RMC1: variants seen among roughly 807,000 people sequenced by gnomAD.
RMC1 encodes regulator of MON1-CCZ1 complex.
RMC1 carries 44 observed loss-of-function variants against 95.5 expected under a neutral mutation model. The ratio of observed to expected loss-of-function variants is 0.46; its 90% CI spans 0.36 to 0.59. The LOEUF (loss-of-function observed/expected upper bound fraction) is 0.59. Ranked by LOEUF, RMC1 falls within the 20% of genes least tolerant of loss-of-function variation. The probability of loss-of-function intolerance (pLI) is 0.00; values close to 1 mark genes in which losing one functional copy is unlikely to be tolerated. For synonymous variants in RMC1, 320 were observed against 303.6 expected, an observed-to-expected ratio of 1.05 and a Z score of -0.56; for missense variants, 705 against 819.6, an observed-to-expected ratio of 0.86 and a Z score of 1.71.
chr18:23,513,146 A>G (rs1788811), intron 5 of RMC1, among the ~76,000 whole-genome samples: 151,930 of 152,280 alleles, frequency 1, 75,791 homozygotes, highest in Middle Eastern at 1. Context: ...TAGAGATGGG[A>G]TTTCACCATG....
chr18:23,509,270 A>C lies in RMC1; in HGVS notation c.399A>C (p.Glu133Asp). Residue 133 changes from glutamate (E) to aspartate (D), a missense_variant, in exon 5 of 20, where the codon GAA (glutamate) becomes GAC (aspartate). Transcript: ENST00000269221. ...TCTTCATAACAGATCAAGGAATCGA[A>C]TTTTACCAGGTATTATGTTTATCAT... ...EIVFITDQGI[E>D]FYQVLPEKRS... 1 of 1,429,862 alleles carries C rather than the reference A, an allele frequency of 7.0e-7. No individual in the cohort carries two copies. Among genetic ancestry groups the C allele is most frequent in the Non-Finnish European group, 9.2e-7 (1 of 1,081,424 alleles). 88.6% of individuals were successfully genotyped at this position (1,429,862 alleles called of 1,614,324 possible). A position where few individuals can be genotyped will look rare whatever the true frequency, so the allele number is the denominator to read the frequency against.
Position 23,527,786 on chromosome 18 carries a change from C to T in RMC1, c.1190-9C>T, listed in dbSNP as rs1459074330. ...GTTTGATCCGTGTGTGAACATTGTG[C>T]CTTTCCAGTGTTAAGTGAGTCAGAC... On this transcript the variant is annotated splice_polypyrimidine_tract_variant and intron_variant, in intron 13 of 19. Transcript: ENST00000269221. 6.2e-7 allele frequency: 1 copy of T among 1,609,444 alleles called. No individual in the cohort carries two copies. The highest frequency in any genetic ancestry group is 8.5e-7 in the Non-Finnish European group (1 of 1,175,888).
chr18:23,516,028 T>A (rs1342236726), intron 6 of RMC1, 32 bp downstream of exon 6: 1 of 1,613,730 alleles, frequency 6.2e-7, no homozygotes, highest in South Asian at 1.1e-5. Context: ...AAAAAACACC[T>A]TTCCCCAGTT....
Position 23,507,978 on chromosome 18 carries a change from C to T in RMC1, c.265-7C>T. ...ATTTGTGTGTGTCTGTGTGTTTTTC[C>T]TTTCAGGATTTTTGTAATTTTATCC... On this transcript the variant is annotated splice_region_variant and splice_polypyrimidine_tract_variant and intron_variant, in intron 3 of 19. Transcript: ENST00000269221. The T allele has an allele frequency of 6.2e-7, 1 of 1,610,132 alleles. No individual in the cohort carries two copies. Among genetic ancestry groups the T allele is most frequent in the South Asian group, 1.1e-5 (1 of 89,824 alleles).
intron 7 of RMC1, among the ~76,000 whole-genome samples, chr18:23,517,722 A>G (rs571923328): frequency 2.0e-5 from 3 of 149,988 alleles, no homozygotes; most frequent in Non-Finnish European, 3.0e-5. Flanking sequence ...ATTCCTGTTT[A>G]TTTTTAAATT....
At chr18:23,516,147 C>T in intron 6 of RMC1, 151 bp downstream of exon 6, 1 of 1,346,070 alleles carries the variant, frequency 7.4e-7, no homozygotes, top group South Asian at 1.3e-5. Flanking sequence ...TACCCGTCAG[C>T]TCCTGGAGCC....
chr18:23,516,347 T>C lies in RMC1; in HGVS notation c.577T>C (p.Phe193Leu). 3 of 1,614,242 alleles carry C rather than the reference T, an allele frequency of 1.9e-6. No homozygotes were observed. The highest frequency in any genetic ancestry group is 1.3e-5 in the African/African-American group (1 of 75,062). ...TGGCACTATGTCGAAGCTGCCCAAA[T>C]TTGAGATTGAATTACCAGCTGCGCC... Reference protein sequence around the residue: ...RAGTMSKLPKFEIELPAAPKS... With the variant: ...RAGTMSKLPKLEIELPAAPKS... The change falls in exon 7 of 20, where the codon TTT becomes CTT. Residue 193 changes from phenylalanine to leucine, a missense_variant. Coordinates refer to ENST00000269221, the MANE Select transcript of RMC1 (RefSeq NM_013326.5).
chr18:23,524,941 CTTTTTTTTTTTTT>C (rs5823396), intron 12 of RMC1, among the ~76,000 whole-genome samples: 4 of 69,218 alleles, frequency 5.8e-5, no homozygotes, highest in Non-Finnish European at 1.0e-4. Flanking sequence ...TTAGAGAAAT[CTTTTTTTTTTTTT>C]TTTTTTTTTT....
chr18:23,513,762 G>T (rs182105117), intron 5 of RMC1, among the ~76,000 whole-genome samples: 2 of 152,002 alleles, frequency 1.3e-5, no homozygotes, highest in African/African-American at 4.8e-5. Context: ...TTTGATTTGC[G>T]CTCTTTGTTG....
intron 16 of RMC1, 114 bp downstream of exon 16, chr18:23,529,826 GA>G: frequency 8.6e-7 from 1 of 1,157,602 alleles, no homozygotes; most frequent in Admixed American, 1.9e-5. Flanking sequence ...CCCTGACTCA[GA>G]ATGCTGAGTG....
At chr18:23,529,950 C>A in intron 16 of RMC1, 78 bp from the exon 17 acceptor site, 1 of 1,335,462 alleles carries the variant, frequency 7.5e-7, no homozygotes, top group Non-Finnish European at 1.1e-6. Context: ...GTTAGAATAG[C>A]CAGTCCTTGG....
chr18:23,527,589 CTTTTTTTTTTTT>C (rs71163615), intron 13 of RMC1, among the ~76,000 whole-genome samples, 194 bp from the exon 14 acceptor site: 23 of 108,370 alleles, frequency 2.1e-4, no homozygotes, highest in African/African-American at 1.1e-4. Context: ...CCTGCTATAG[CTTTTTTTTTTTT>C]TTTTTTTTTT....
At chr18:23,505,829 C>CT (rs1252355181) in intron 2 of RMC1, among the ~76,000 whole-genome samples, 1 of 151,802 alleles carries the variant, frequency 6.6e-6, no homozygotes, top group Non-Finnish European at 1.5e-5. Context: ...ATTGGGGGCT[C>CT]TAAGAAGTTT....
intron 10 of RMC1, among the ~76,000 whole-genome samples, 197 bp downstream of exon 10, chr18:23,520,510 T>G (rs2145213640): frequency 6.6e-6 from 1 of 152,294 alleles, no homozygotes; most frequent in South Asian, 2.1e-4. Context: ...CCCAGGCTGG[T>G]AGGTAGTGTC....
At chr18:23,518,342 A>G (rs1441224621) in intron 7 of RMC1, among the ~76,000 whole-genome samples, 1 of 152,140 alleles carries the variant, frequency 6.6e-6, no homozygotes, top group African/African-American at 2.4e-5. Flanking sequence ...AAATTTAAAA[A>G]TTAGCCAGGC....
chr18:23,507,968 T>G lies in RMC1; in HGVS notation c.265-17T>G, dbSNP rs1191625584. 1 of 1,609,458 alleles carries G rather than the reference T, an allele frequency of 6.2e-7. No individual in the cohort carries two copies. Among genetic ancestry groups the G allele is most frequent in the African/African-American group, 1.3e-5 (1 of 74,842 alleles). On this transcript the variant is annotated splice_polypyrimidine_tract_variant and intron_variant, in intron 3 of 19. Coordinates refer to ENST00000269221, the MANE Select transcript of RMC1 (RefSeq NM_013326.5). Reference sequence around the variant, plus strand: ...CCTAATCCAAATTTGTGTGTGTCTGTGTGTTTTTCCTTTCAGGATTTTTGT... The same window carrying G: ...CCTAATCCAAATTTGTGTGTGTCTGGGTGTTTTTCCTTTCAGGATTTTTGT...
In RMC1 at chr18:23,515,873, G is replaced by T; in HGVS notation, c.426G>T (p.Arg142=). The stretch of plus-strand genomic sequence containing the variant: ...TGCTTCAGGTATTACCAGAGAAACG[G>T]AGTCTGAAACTCTTGAAGAGCCACA... ...IEFYQVLPEK[R]SLKLLKSHNL... The change falls in exon 6 of 20, where the codon CGG becomes CGT. Residue 142 remains arginine, a synonymous_variant. Transcript: ENST00000269221. 6.2e-7 allele frequency: 1 copy of T among 1,614,128 alleles called. No homozygotes were observed. The highest frequency in any genetic ancestry group is 8.5e-7 in the Non-Finnish European group (1 of 1,180,040).
chr18:23,512,165 C>T (rs550100537), intron 5 of RMC1, among the ~76,000 whole-genome samples: 31 of 151,722 alleles, frequency 2.0e-4, no homozygotes, highest in Admixed American at 1.3e-3. Context: ...GGTCTACAGG[C>T]GCCCAGCACC....
chr18:23,505,440 A>G (rs937014535), intron 2 of RMC1, among the ~76,000 whole-genome samples: 7 of 152,230 alleles, frequency 4.6e-5, no homozygotes, highest in Admixed American at 3.9e-4. Flanking sequence ...TGAAGGTTAC[A>G]TAGGGTGTCT....
Sources: gnomAD v4.1 joint callset for allele counts (sites outside exome capture counted in the v4.1 genomes callset) on GRCh38, gnomAD v4.1.1 for gene constraint, MANE v1.5 for transcripts, NCBI Gene and HGNC (gene_info 2026-07-23, HGNC 2026-07-21) for gene names.